ORC3: variants seen among roughly 807,000 people sequenced by gnomAD.
The protein encoded by ORC3 is homolog of latheo, Drosophila.
A neutral mutation model predicts 100.7 loss-of-function variants in ORC3; 78 were observed. The observed-to-expected ratio is 0.77, with a 90% CI of 0.65 to 0.94. The LOEUF is 0.94. ORC3 is among the 40% of genes least tolerant of loss of function. The pLI is 0.00. For synonymous variants in ORC3, 295 were observed against 289.3 expected, an observed-to-expected ratio of 1.02 and a Z score of -0.20; for missense variants, 789 against 823.9, an observed-to-expected ratio of 0.96 and a Z score of 0.52.
At chr6:87,636,849 A>T (rs1007990302) in intron 13 of ORC3, among the ~76,000 whole-genome samples, 10 of 152,196 alleles carry the variant, frequency 6.6e-5, no homozygotes, top group Non-Finnish European at 1.3e-4. Context: ...CATGTCCCCA[A>T]CCTGGTTGAA....
In ORC3 at chr6:87,640,084, C is replaced by T. The variant is rs147208172; in HGVS notation, c.1382+3598C>T. Among the ~76,000 whole-genome samples the T allele has an allele frequency of 5.7e-3, 875 of 152,180 alleles. 9 individuals are homozygous for T. Among genetic ancestry groups the T allele is most frequent in the African/African-American group, 0.02 (811 of 41,508 alleles). On this transcript the variant is annotated intron_variant, in intron 13 of 19. Coordinates refer to ENST00000392844, the MANE Select transcript of ORC3 (RefSeq NM_012381.4). Reference sequence around the variant, plus strand: ...AAACCCCAGTGTGTCACGCCTCATGCCTTTTCTTTAGTGGTGGGAAACCCT... The same window carrying T: ...AAACCCCAGTGTGTCACGCCTCATGTCTTTTCTTTAGTGGTGGGAAACCCT...
At chr6:87,597,678 T>TACACAC (rs1245994243) in intron 2 of ORC3, among the ~76,000 whole-genome samples, 79 of 136,736 alleles carry the variant, frequency 5.8e-4, no homozygotes, top group African/African-American at 2.3e-3. Context: ...GATATATATA[T>TACACAC]ATACACACAC....
intron 13 of ORC3, among the ~76,000 whole-genome samples, chr6:87,646,684 G>C (rs1424266592): frequency 1.3e-5 from 2 of 152,100 alleles, no homozygotes; most frequent in African/African-American, 2.4e-5. Context: ...GGACTTTCTT[G>C]GTTTTTCTCC....
chr6:87,612,016 T>C (rs1778806249), intron 7 of ORC3, 73 bp from the exon 8 acceptor site: 2 of 1,370,398 alleles, frequency 1.5e-6, no homozygotes, highest in Non-Finnish European at 2.0e-6. Context: ...AAGTTTGTCT[T>C]ATGTTGAAAT....
At chr6:87,616,234 G>T (rs573786116) in intron 8 of ORC3, 80 bp from the exon 9 acceptor site, 2 of 535,284 alleles carry the variant, frequency 3.7e-6, no homozygotes, top group Non-Finnish European at 6.9e-6. Context: ...ATCATTCTTT[G>T]CCTCATTATT....
At chr6:87,601,126 A>G (rs895204282) in intron 2 of ORC3, among the ~76,000 whole-genome samples, 1 of 152,242 alleles carries the variant, frequency 6.6e-6, no homozygotes, top group Non-Finnish European at 1.5e-5. Context: ...AAGCAAATGT[A>G]TGAAACAAAG....
At chr6:87,675,325 CA>C in the ORC3 span, 1 of 497,654 alleles carries the variant, frequency 2.0e-6, no homozygotes, top group African/African-American at 1.9e-5. Flanking sequence ...TAATCCTTTT[CA>C]AACATTAATA....
intron 7 of ORC3, among the ~76,000 whole-genome samples, 187 bp from the exon 8 acceptor site, chr6:87,611,902 A>G (rs1283116889): frequency 6.6e-6 from 1 of 152,222 alleles, no homozygotes. Context: ...CTGTCTGGAA[A>G]GTAATTATTT....
intron 16 of ORC3, among the ~76,000 whole-genome samples, chr6:87,660,908 A>G (rs1770130041): frequency 6.6e-6 from 1 of 152,202 alleles, no homozygotes. Flanking sequence ...TGTATAATGT[A>G]TTTTGTTACT....
chr6:87,602,982 T>TATATATATATATAC (rs1457671076), intron 3 of ORC3, among the ~76,000 whole-genome samples: 1 of 135,872 alleles, frequency 7.4e-6, no homozygotes, highest in Non-Finnish European at 1.5e-5. Flanking sequence ...CATATATATA[T>TATATATATATATAC]ACAATTTTTT....
intron 13 of ORC3, among the ~76,000 whole-genome samples, chr6:87,644,562 G>A (rs1472197919): frequency 1.3e-5 from 2 of 152,006 alleles, no homozygotes; most frequent in African/African-American, 4.8e-5. Flanking sequence ...TTAGCCGGGC[G>A]TGGTGGCACA....
At position 87,603,396 on chromosome 6, in the gene ORC3, G is replaced by A; in HGVS notation, c.190G>A (p.Glu64Lys). 6.7e-7 allele frequency: 1 copy of A among 1,492,816 alleles called. No individual in the cohort carries two copies. The highest frequency in any genetic ancestry group is 1.4e-5 in the African/African-American group (1 of 73,490). The allele number at this position is 1,492,816 out of a possible 1,614,324, so 92.5% of individuals were successfully genotyped here. ...MKSENERLQE[E>K]LNKNLFDNLI... ...GTGTTCTTTGTAGCGACTACAAGAG[G>A]AATTAAATAAAAACTTGTTTGACAA... The change falls in exon 4 of 20, where the codon GAA (glutamate) becomes AAA (lysine). Residue 64 changes from glutamate (E) to lysine (K), a missense_variant. Physicochemically the swap from Glu to Lys is moderately conservative, Grantham distance 56. Around this residue, in one of 3 missense-constraint regions of ORC3, gnomAD observed 399 missense variants for 382.0 expected, o/e 1.04. Transcript: ENST00000392844.
chr6:87,673,957 C>T, the ORC3 span, among the ~76,000 whole-genome samples: 1 of 151,940 alleles, frequency 6.6e-6, no homozygotes, highest in East Asian at 1.9e-4. Flanking sequence ...CTTGTGAAAC[C>T]ACTTTCTAGG....
At chr6:87,677,006 A>G in the ORC3 span, among the ~76,000 whole-genome samples, 1 of 149,316 alleles carries the variant, frequency 6.7e-6, no homozygotes, top group South Asian at 2.1e-4. Flanking sequence ...GAACCCGGAA[A>G]GTAGAGCTTG....
rs112796641 is a variant in ORC3 at position 87,647,412 on chromosome 6, G to A, written c.1383-5704G>A. Reference sequence around the variant, plus strand: ...AAAAGCTCTTCTGGATATTTGTATGGCTAACTTCCTTTCCTCCTTTATGTA... The same window carrying A: ...AAAAGCTCTTCTGGATATTTGTATGACTAACTTCCTTTCCTCCTTTATGTA... On this transcript the variant is annotated intron_variant, in intron 13 of 19. Coordinates refer to ENST00000392844, the MANE Select transcript of ORC3 (RefSeq NM_012381.4). Among the ~76,000 whole-genome samples, 657 of 152,200 alleles carry A rather than the reference G, an allele frequency of 4.3e-3. 3 individuals are homozygous for A. The highest frequency in any genetic ancestry group is 0.015 in the African/African-American group (632 of 41,500).
At chr6:87,653,843 T>C (rs1280645627) in intron 14 of ORC3, among the ~76,000 whole-genome samples, 1 of 152,222 alleles carries the variant, frequency 6.6e-6, no homozygotes, top group African/African-American at 2.4e-5. Flanking sequence ...TCTCTTTTGC[T>C]TGACCTCCAC....
chr6:87,591,972 C>A (rs375780507), intron 1 of ORC3, among the ~76,000 whole-genome samples: 1 of 152,194 alleles, frequency 6.6e-6, no homozygotes, highest in African/African-American at 2.4e-5. Flanking sequence ...CTCGAGTGAT[C>A]CGCCAGCCTC....
intron 8 of ORC3, among the ~76,000 whole-genome samples, chr6:87,613,031 TTAAC>T (rs759442599): frequency 6.6e-6 from 1 of 152,270 alleles, no homozygotes; most frequent in Non-Finnish European, 1.5e-5. Flanking sequence ...CTAAAGTTAA[TTAAC>T]TATGTTTCTA....
At chr6:87,595,434 T>C (rs752326440) in intron 2 of ORC3, 7 of 152,282 alleles carry the variant, frequency 4.6e-5, no homozygotes, top group Non-Finnish European at 8.8e-5. Flanking sequence ...TGTGTTATTA[T>C]GGATTGTTAC....
Sources: gnomAD v4.1 joint callset for allele counts (sites outside exome capture counted in the v4.1 genomes callset) on GRCh38, gnomAD v4.1.1 for gene constraint, gnomAD v4.1.1 regional missense constraint, MANE v1.5 for transcripts, NCBI Gene and HGNC (gene_info 2026-07-23, HGNC 2026-07-21) for gene names.